The following ZNF264 variants were observed in gnomAD, a reference collection of about 807,000 sequenced individuals.
ZNF264 encodes zinc finger protein 264.
In ZNF264, 11 loss-of-function variants were observed where a neutral mutation model predicts 11.2. The observed-to-expected ratio is 0.98, with a 90% confidence interval of 0.62 to 1.63. The LOEUF is 1.63. Ranked by LOEUF, ZNF264 falls within the 40% of genes most tolerant of loss-of-function variation. The probability of loss-of-function intolerance (pLI) is 0.00; values close to 1 mark genes in which losing one functional copy is unlikely to be tolerated. For missense variants in ZNF264, 752 were observed against 768.1 expected (o/e 0.98, Z 0.25); for synonymous variants, 309 against 279.8 (o/e 1.10, Z -1.04).
chr19:57,195,691 A>C (rs751346342), intron 2 of ZNF264, among the ~76,000 whole-genome samples: 1 of 151,810 alleles, frequency 6.6e-6, no homozygotes, highest in African/African-American at 2.4e-5. Flanking sequence ...GGAGTAGTAG[A>C]CTGATTTCAT....
chr19:57,205,802 C>A (rs1217856321), intron 3 of ZNF264, among the ~76,000 whole-genome samples: 2 of 152,128 alleles, frequency 1.3e-5, no homozygotes, highest in Non-Finnish European at 2.9e-5. Context: ...GCTGTGTGGC[C>A]CTGATGAAGT....
chr19:57,193,819 G>A (rs914532012), intron 1 of ZNF264, 56 bp from the exon 2 acceptor site: 13 of 1,602,902 alleles, frequency 8.1e-6, no homozygotes, highest in Middle Eastern at 1.7e-4. Flanking sequence ...AGCACAGTCT[G>A]TGATCTCATT....
intron 2 of ZNF264, among the ~76,000 whole-genome samples, 178 bp from the exon 3 acceptor site, chr19:57,205,219 T>C (rs941149302): frequency 1.3e-5 from 2 of 152,228 alleles, no homozygotes; most frequent in Non-Finnish European, 2.9e-5. Flanking sequence ...AATTACATAA[T>C]GCATTTATGT....
Position 57,212,533 on chromosome 19 carries a change from G to A in ZNF264, c.1436G>A (p.Gly479Glu). The change falls in exon 4 of 4, where the codon GGA becomes GAA. Residue 479 changes from glycine (G) to glutamate (E), a missense_variant. By Grantham distance (98) the Gly-to-Glu change is moderately conservative (BLOSUM62 -2). Coordinates refer to ENST00000263095, the MANE Select transcript of ZNF264 (RefSeq NM_003417.5). Reference sequence around the variant, plus strand: ...ATTCGCCACTTCAGCATCCACACTGGAGAGAAGCCCTATGAGTGCGTGGAG... The same window carrying A: ...ATTCGCCACTTCAGCATCCACACTGAAGAGAAGCCCTATGAGTGCGTGGAG... ...DLIRHFSIHT[G>E]EKPYECVECG... is the part of the protein sequence containing the mutation. The A allele has an allele frequency of 6.2e-7, 1 of 1,614,190 alleles. No individual in the cohort carries two copies. Among genetic ancestry groups the A allele is most frequent in the South Asian group, 1.1e-5 (1 of 91,082 alleles).
intron 3 of ZNF264, 122 bp downstream of exon 3, chr19:57,205,614 A>AGAGAG: frequency 1.2e-6 from 1 of 854,370 alleles, no homozygotes; most frequent in Non-Finnish European, 1.9e-6. Context: ...ACTCTTATAT[A>AGAGAG]ACTCTATCAC....
At chr19:57,206,308 G>A (rs1250031640) in intron 3 of ZNF264, among the ~76,000 whole-genome samples, 28 of 151,978 alleles carry the variant, frequency 1.8e-4, no homozygotes, top group Non-Finnish European at 3.2e-4. Flanking sequence ...CAGTGGCACA[G>A]TCTCGGCTCA....
intron 2 of ZNF264, among the ~76,000 whole-genome samples, chr19:57,199,614 GTTCC>G (rs1192564448): frequency 6.6e-6 from 1 of 151,858 alleles, no homozygotes; most frequent in Non-Finnish European, 1.5e-5. Flanking sequence ...GCATCTGTAT[GTTCC>G]TTCCAGCATT....
At chr19:57,200,465 G>A (rs2122743237) in intron 2 of ZNF264, among the ~76,000 whole-genome samples, 1 of 144,396 alleles carries the variant, frequency 6.9e-6, no homozygotes, top group African/African-American at 2.7e-5. Flanking sequence ...AAAAAAAAAA[G>A]CCACTCAGTA....
intron 3 of ZNF264, among the ~76,000 whole-genome samples, chr19:57,208,352 C>T (rs2087309643): frequency 6.6e-6 from 1 of 151,784 alleles, no homozygotes. Context: ...TGAGACCGGC[C>T]TGGGAAACAT....
intron 1 of ZNF264, 72 bp downstream of exon 1, chr19:57,192,018 C>T: frequency 7.4e-7 from 1 of 1,355,230 alleles, no homozygotes; most frequent in South Asian, 1.5e-5. Flanking sequence ...TGGGTGGGAG[C>T]CCAGGTATCC....
At position 57,202,555 on chromosome 19, in the gene ZNF264, C is replaced by T. The variant is rs768317901; in HGVS notation, c.161-2842C>T. On this transcript the variant is annotated intron_variant, in intron 2 of 3. Transcript: ENST00000263095. ...CCTCCACCTTTCTGACTGTGGGTCT[C>T]ATGAGTGGGTCCAACCCTATACCCT... Among the ~76,000 whole-genome samples, 9 of 151,776 alleles carry T rather than the reference C, an allele frequency of 5.9e-5. 1 individual carries two copies. Among genetic ancestry groups the T allele is most frequent in the Non-Finnish European group, 1.0e-4 (7 of 68,036 alleles).
intron 1 of ZNF264, 79 bp downstream of exon 1, chr19:57,192,025 AT>A: frequency 7.6e-7 from 1 of 1,314,086 alleles, no homozygotes. Context: ...GAGCCCAGGT[AT>A]CCCCTGGATT....
intron 1 of ZNF264, among the ~76,000 whole-genome samples, chr19:57,192,921 G>A (rs963670303): frequency 1.3e-5 from 2 of 151,850 alleles, no homozygotes; most frequent in Admixed American, 6.6e-5. Context: ...AGTAGAGACT[G>A]GGTTTCACCA....
intron 2 of ZNF264, among the ~76,000 whole-genome samples, chr19:57,203,922 T>C (rs2087271751): frequency 1.3e-5 from 2 of 152,260 alleles, no homozygotes; most frequent in African/African-American, 4.8e-5. Flanking sequence ...CGCGGTTGCT[T>C]ACGCCTGTAA....
Position 57,212,557 on chromosome 19 carries a change from A to T in ZNF264, c.1460A>T (p.Glu487Val). The T allele has an allele frequency of 1.2e-6, 2 of 1,614,216 alleles. No homozygotes were observed. Among genetic ancestry groups the T allele is most frequent in the South Asian group, 1.1e-5 (1 of 91,088 alleles). Residue 487 changes from glutamate (E) to valine (V), a missense_variant, in exon 4 of 4, where the codon GAG (glutamate) becomes GTG (valine). Coordinates refer to ENST00000263095, the MANE Select transcript of ZNF264 (RefSeq NM_003417.5). Reference sequence around the variant, plus strand: ...GGAGAGAAGCCCTATGAGTGCGTGGAGTGTGGAAAGGCCTTCACCCGCATG... The same window carrying T: ...GGAGAGAAGCCCTATGAGTGCGTGGTGTGTGGAAAGGCCTTCACCCGCATG... ...HTGEKPYECV[E>V]CGKAFTRMSG...
At chr19:57,195,177 A>G (rs1468955754) in intron 2 of ZNF264, among the ~76,000 whole-genome samples, 2 of 152,242 alleles carry the variant, frequency 1.3e-5, no homozygotes, top group Non-Finnish European at 2.9e-5. Flanking sequence ...AATTATGCTT[A>G]ACATAATACA....
chr19:57,194,088 A>AG (rs2087195194), intron 2 of ZNF264, 87 bp downstream of exon 2: 1 of 1,515,712 alleles, frequency 6.6e-7, no homozygotes, highest in African/African-American at 1.4e-5. Context: ...CTGCACAAGA[A>AG]GGCCTCTAGA....
chr19:57,192,616 T>G, intron 1 of ZNF264: 1 of 973,532 alleles, frequency 1.0e-6, no homozygotes, highest in South Asian at 4.7e-5. Context: ...CCCAGGGAGA[T>G]CCCAGAGGGC....
At position 57,211,630 on chromosome 19, in the gene ZNF264, C is replaced by T; in HGVS notation, c.533C>T (p.Pro178Leu). 5 of 1,614,106 alleles carry T rather than the reference C, an allele frequency of 3.1e-6. No homozygotes were observed. The highest frequency in any genetic ancestry group is 1.3e-5 in the African/African-American group (1 of 75,036). ...CSRIGQEQVS[P>L]GDRVRSHNSC... Reference sequence around the variant, plus strand: ...AGGATTGGACAGGAGCAAGTCTCTCCAGGAGATAGAGTCCGTAGCCATAAC... The same window carrying T: ...AGGATTGGACAGGAGCAAGTCTCTCTAGGAGATAGAGTCCGTAGCCATAAC... Residue 178 changes from proline to leucine, a missense_variant, in exon 4 of 4, where the codon CCA (proline) becomes CTA (leucine). Coordinates refer to ENST00000263095, the MANE Select transcript of ZNF264 (RefSeq NM_003417.5).
Sources: allele counts gnomAD v4.1 joint callset (sites outside exome capture counted in the v4.1 genomes callset), GRCh38; gene constraint gnomAD v4.1.1; transcripts MANE v1.5; gene names NCBI Gene and HGNC (gene_info 2026-07-23, HGNC 2026-07-21).